Variants in EPG5 observed in about 807,000 individuals in gnomAD.
EPG5 encodes ectopic P-granules 5 autophagy tethering factor.
EPG5 carries 159 observed loss-of-function variants against 302.7 expected under a neutral mutation model. The observed-to-expected ratio is 0.53, with a 90% CI of 0.46 to 0.60. The LOEUF is 0.60. EPG5 is among the 20% of genes least tolerant of loss of function. The pLI, the probability that EPG5 is intolerant of heterozygous loss-of-function variation, is 0.00. For synonymous variants in EPG5, 1,158 were observed against 1,136.8 expected (o/e 1.02, Z -0.37); for missense variants, 2,896 against 3,092.4 (o/e 0.94, Z 1.51).
At chr18:45,837,570 GCGA>G in the EPG5 span, 1 of 1,515,918 alleles carries the variant, frequency 6.6e-7, no homozygotes, top group South Asian at 1.2e-5. Context: ...GCGGAGGCAG[GCGA>G]CGCGGCAGTG....
In EPG5 at chr18:45,913,835, T is replaced by A; in HGVS notation, c.3694-7A>T. 6.2e-7 allele frequency: 1 copy of A among 1,613,250 alleles called. No homozygotes were observed. The highest frequency in any genetic ancestry group is 8.5e-7 in the Non-Finnish European group (1 of 1,179,722). ...CTGTCCAGGCAAACCAGACCTATAA[T>A]GACACCAGATAAAGGGGAGGGGAAG... On this transcript the variant is annotated splice_region_variant and splice_polypyrimidine_tract_variant and intron_variant, in intron 20 of 43. Transcript: ENST00000282041.
At chr18:45,943,424 G>A in intron 8 of EPG5, 113 bp from the exon 9 acceptor site, 1 of 847,380 alleles carries the variant, frequency 1.2e-6, no homozygotes, top group Non-Finnish European at 1.8e-6. Flanking sequence ...GAGAAGAACT[G>A]ACAGTCTCAT....
intron 32 of EPG5, 123 bp from the exon 33 acceptor site, chr18:45,879,337 A>G: frequency 1.5e-6 from 1 of 654,032 alleles, no homozygotes; most frequent in South Asian, 2.0e-5. Context: ...GCAAAAATAT[A>G]AAGCATATGA....
intron 23 of EPG5, 89 bp downstream of exon 23, chr18:45,910,432 A>C (rs914582889): frequency 1.1e-6 from 1 of 937,926 alleles, no homozygotes; most frequent in Admixed American, 2.4e-5. Flanking sequence ...TAAGAGAATA[A>C]CATCTAGCAG....
At chr18:45,809,009 G>A in the EPG5 span, among the ~76,000 whole-genome samples, 1 of 151,912 alleles carries the variant, frequency 6.6e-6, no homozygotes, top group Non-Finnish European at 1.5e-5. Flanking sequence ...TAACACATAA[G>A]GACTCACATA....
At chr18:45,825,662 T>G in the EPG5 span, 1 of 1,552,286 alleles carries the variant, frequency 6.4e-7, no homozygotes, top group Non-Finnish European at 8.9e-7. Context: ...CCACCACGCC[T>G]GGGAGGGCCC....
At chr18:45,831,131 GC>G in the EPG5 span, among the ~76,000 whole-genome samples, 1 of 152,158 alleles carries the variant, frequency 6.6e-6, no homozygotes. Context: ...ACTCTGAGGG[GC>G]ATGCCACCAA....
the EPG5 span, among the ~76,000 whole-genome samples, chr18:45,815,433 T>C: frequency 6.6e-6 from 1 of 151,526 alleles, no homozygotes. Context: ...AAAAAAAGAA[T>C]TCAGCAGTTT....
intron 22 of EPG5, 121 bp from the exon 23 acceptor site, chr18:45,910,863 T>C (rs2049876789): frequency 6.0e-6 from 4 of 665,212 alleles, no homozygotes; most frequent in Non-Finnish European, 1.0e-5. Flanking sequence ...ACCATTAAAT[T>C]AACACCTATT....
At chr18:45,915,487 T>G in intron 20 of EPG5, 24 bp downstream of exon 20, 1 of 1,492,566 alleles carries the variant, frequency 6.7e-7, no homozygotes. Context: ...AGATAACAAA[T>G]GATCCTCTCA....
At chr18:45,846,572 G>C (rs1445464200), downstream of EPG5, among the ~76,000 whole-genome samples, 1 of 136,324 alleles carries the variant, frequency 7.3e-6, no homozygotes, top group East Asian at 2.3e-4. Flanking sequence ...TAAGAGCCCA[G>C]CAGGTAAGAC....
chr18:45,911,110 C>CACACACACACAT (rs1491456763), intron 22 of EPG5, among the ~76,000 whole-genome samples: 1 of 127,936 alleles, frequency 7.8e-6, no homozygotes, highest in African/African-American at 3.0e-5. Context: ...CACACACACA[C>CACACACACACAT]ATATATATAT....
chr18:45,916,218 A>G lies in EPG5; in HGVS notation c.3385-12T>C. The stretch of plus-strand genomic sequence containing the variant: ...ACAGATATGTGTGCCTGTGGAGAAA[A>G]GGCTCATGTGATGGGAAAGATAACA... On this transcript the variant is annotated splice_polypyrimidine_tract_variant and intron_variant, in intron 18 of 43. Coordinates refer to ENST00000282041, the MANE Select transcript of EPG5 (RefSeq NM_020964.3). 2 of 1,598,138 alleles carry G rather than the reference A, an allele frequency of 1.3e-6. No individual in the cohort carries two copies. Among genetic ancestry groups the G allele is most frequent in the Non-Finnish European group, 1.7e-6 (2 of 1,174,456 alleles).
At chr18:45,912,247 G>T in intron 22 of EPG5, 43 bp downstream of exon 22, 1 of 1,501,808 alleles carries the variant, frequency 6.7e-7, no homozygotes, top group Non-Finnish European at 8.9e-7. Flanking sequence ...CAGTGCAAAG[G>T]CAGAAATGGA....
the EPG5 span, among the ~76,000 whole-genome samples, chr18:45,811,264 C>A: frequency 6.6e-6 from 1 of 152,088 alleles, no homozygotes; most frequent in Admixed American, 6.5e-5. Context: ...CTAGAAAACC[C>A]TAACAATTCC....
chr18:45,853,445 A>C (rs2048454631), intron 43 of EPG5, among the ~76,000 whole-genome samples: 1 of 152,258 alleles, frequency 6.6e-6, no homozygotes, highest in South Asian at 2.1e-4. Context: ...CAAAAAATCA[A>C]CAATGGCTCT....
At chr18:45,825,899 A>C in the EPG5 span, 3 of 1,219,740 alleles carry the variant, frequency 2.5e-6, no homozygotes, top group Non-Finnish European at 3.5e-6. Flanking sequence ...AGGCCTGTGG[A>C]GGAGGAAGAG....
At chr18:45,861,799 G>A (rs988307466) in intron 39 of EPG5, among the ~76,000 whole-genome samples, 1 of 151,976 alleles carries the variant, frequency 6.6e-6, no homozygotes, top group African/African-American at 2.4e-5. Flanking sequence ...CAAGGGTCTT[G>A]TCCATTTTTT....
At chr18:45,836,550 G>A in the EPG5 span, among the ~76,000 whole-genome samples, 1 of 152,168 alleles carries the variant, frequency 6.6e-6, no homozygotes, top group African/African-American at 2.4e-5. Flanking sequence ...CCAGCCCTCT[G>A]TGAGCTGGAG....
Sources: allele counts gnomAD v4.1 joint callset (sites outside exome capture counted in the v4.1 genomes callset), GRCh38; gene constraint gnomAD v4.1.1; transcripts MANE v1.5; gene names NCBI Gene and HGNC (gene_info 2026-07-23, HGNC 2026-07-21).